Variants in BRINP1 observed in about 807,000 individuals in gnomAD.
BRINP1 encodes BMP/retinoic acid-inducible neural-specific protein 1.
BRINP1 carries 17 observed loss-of-function variants against 72.9 expected under a neutral mutation model. That is an observed-to-expected ratio of 0.23 (90% CI 0.16 to 0.35). BRINP1 has a LOEUF of 0.35. Among genes scored for constraint, BRINP1 ranks in the 10% least tolerant of loss-of-function variants. The pLI, the probability that BRINP1 is intolerant of heterozygous loss-of-function variation, is 1.00. For missense variants in BRINP1, 850 were observed against 1,001.6 expected, an observed-to-expected ratio of 0.85 and a Z score of 2.04; for synonymous variants, 418 against 378.5, an observed-to-expected ratio of 1.10 and a Z score of -1.21.
rs1205799002 is a variant in BRINP1, at chr9:119,167,998, G to C, written c.1372C>G (p.Arg458Gly). 4 of 1,614,158 alleles carry C rather than the reference G, an allele frequency of 2.5e-6. No homozygotes were observed. The highest frequency in any genetic ancestry group is 1.7e-5 in the Admixed American group (1 of 60,028). Reference protein sequence around the residue: ...GSCNKGYKLYRGRCEPQNVDS... With the variant: ...GSCNKGYKLYGGRCEPQNVDS... ...ACGTTCTGTGGTTCACAGCGGCCTC[G>C]ATACAGCTTGTAGCCCTTGTTGCAG... The change falls in exon 8 of 8, where the codon CGA (arginine) becomes GGA (glycine). Residue 458 changes from arginine (R) to glycine (G), a missense_variant. Arg to Gly is a moderately radical substitution (Grantham distance 125). Transcript: ENST00000265922. The surrounding 1 kb of genome is among the most constrained non-coding windows in gnomAD (Gnocchi z 4.3).
At chr9:119,351,761 G>A (rs892926431) in intron 1 of BRINP1, among the ~76,000 whole-genome samples, 1 of 152,138 alleles carries the variant, frequency 6.6e-6, no homozygotes, top group Admixed American at 6.6e-5. Context: ...AATGAGCAAA[G>A]TCATTATTCC....
chr9:119,242,932 G>C (rs546126904), intron 3 of BRINP1, among the ~76,000 whole-genome samples: 12 of 151,712 alleles, frequency 7.9e-5, no homozygotes, highest in Non-Finnish European at 1.3e-4. Context: ...CCAGGGAGCT[G>C]CCTCTATTCT....
chr9:119,332,131 A>G (rs1248968567), intron 1 of BRINP1, among the ~76,000 whole-genome samples: 2 of 152,112 alleles, frequency 1.3e-5, no homozygotes, highest in Non-Finnish European at 2.9e-5. Flanking sequence ...TCTGATTTCT[A>G]AGGGCCCAAC....
Position 119,248,940 on chromosome 9 carries a change from C to T in BRINP1, c.409+20G>A. 1 of 1,603,508 alleles carries T rather than the reference C, an allele frequency of 6.2e-7. No individual in the cohort carries two copies. The highest frequency in any genetic ancestry group is 1.3e-5 in the African/African-American group (1 of 74,930). On this transcript the variant is annotated intron_variant, in intron 3 of 7. Coordinates refer to ENST00000265922, the MANE Select transcript of BRINP1 (RefSeq NM_014618.3). The stretch of plus-strand genomic sequence containing the variant: ...ACCCAAAGTCATGAGAAGGCTCTGG[C>T]CCAGTGGCTGCTGACCTACCTCCCA...
chr9:119,320,593 T>G lies in BRINP1; in HGVS notation c.-50-7188A>C, dbSNP rs924957559. ...CTGAGAGTGGAGGTGCTGCTTTCTA[T>G]GCGAGGGTGCTCAGGAAAAGCATCT... On this transcript the variant is annotated intron_variant, in intron 1 of 7. Coordinates refer to ENST00000265922, the MANE Select transcript of BRINP1 (RefSeq NM_014618.3). Among the ~76,000 whole-genome samples the G allele has an allele frequency of 2.6e-5, 4 of 152,206 alleles. 1 individual carries two copies. In the South Asian group the frequency reaches 8.3e-4, roughly 32 times the overall value.
intron 2 of BRINP1, among the ~76,000 whole-genome samples, chr9:119,296,779 T>C (rs1830884083): frequency 6.6e-6 from 1 of 152,194 alleles, no homozygotes; most frequent in African/African-American, 2.4e-5. Context: ...AAATACTGCA[T>C]GATTTCACTT....
At chr9:119,261,159 C>T (rs1044073566) in intron 2 of BRINP1, among the ~76,000 whole-genome samples, 2 of 152,150 alleles carry the variant, frequency 1.3e-5, no homozygotes, top group African/African-American at 2.4e-5. Context: ...GCAGAGTTTG[C>T]ATAACTGATT....
intron 1 of BRINP1, among the ~76,000 whole-genome samples, chr9:119,331,779 G>A (rs768463659): frequency 1.3e-5 from 2 of 152,172 alleles, no homozygotes; most frequent in Non-Finnish European, 2.9e-5. Flanking sequence ...CACTATCTGA[G>A]GTTTCACGAA....
intron 7 of BRINP1, among the ~76,000 whole-genome samples, chr9:119,196,028 A>AACTT (rs769066808): frequency 2.6e-5 from 4 of 152,192 alleles, no homozygotes; most frequent in Non-Finnish European, 5.9e-5. Context: ...ACATTTTCTA[A>AACTT]ACTTATTCAA....
intron 7 of BRINP1, among the ~76,000 whole-genome samples, chr9:119,175,880 G>A (rs1436735127): frequency 6.6e-6 from 1 of 152,094 alleles, no homozygotes; most frequent in Non-Finnish European, 1.5e-5. Flanking sequence ...TCTCGCTTGA[G>A]CCTCACAGCA....
intron 2 of BRINP1, among the ~76,000 whole-genome samples, chr9:119,302,302 T>C (rs1830946360): frequency 2.6e-5 from 4 of 152,164 alleles, no homozygotes; most frequent in Admixed American, 2.6e-4. Context: ...ATGAGGATGA[T>C]TTTATCTAAC....
intron 5 of BRINP1, among the ~76,000 whole-genome samples, chr9:119,238,128 C>A (rs1464296113): frequency 6.6e-6 from 1 of 152,124 alleles, no homozygotes; most frequent in Non-Finnish European, 1.5e-5. Context: ...TTCACTTAGT[C>A]TTCACATGTG....
rs932378900 is a variant in BRINP1, at chr9:119,322,082, T to C, written c.-50-8677A>G. On this transcript the variant is annotated intron_variant, in intron 1 of 7. Transcript: ENST00000265922. ...ATTAACAATAAATACACCGGAAATA[T>C]ACATTTCCATGTTCAAGGGCCACAT... Among the ~76,000 whole-genome samples the C allele has an allele frequency of 3.9e-5, 6 of 152,190 alleles. No homozygotes were observed. In the East Asian group the frequency reaches 9.6e-4, roughly 24 times the overall value.
intron 5 of BRINP1, among the ~76,000 whole-genome samples, chr9:119,224,900 C>A (rs147321243): frequency 2.6e-5 from 4 of 151,984 alleles, no homozygotes; most frequent in Non-Finnish European, 4.4e-5. Flanking sequence ...TGGAAATGCA[C>A]TGTATGTATA....
intron 1 of BRINP1, among the ~76,000 whole-genome samples, chr9:119,325,785 C>T (rs1831233761): frequency 1.3e-5 from 2 of 152,180 alleles, no homozygotes; most frequent in African/African-American, 4.8e-5. Context: ...ATTGTTTTAC[C>T]CCTTAGTCTT....
intron 2 of BRINP1, among the ~76,000 whole-genome samples, chr9:119,268,289 T>TAGATAGACAGACAGACAGAC (rs1554752352): frequency 2.0e-5 from 3 of 148,708 alleles, no homozygotes; most frequent in African/African-American, 2.4e-5. Context: ...GATAGATAGA[T>TAGATAGACAGACAGACAGAC]AGATAGATAG....
intron 2 of BRINP1, among the ~76,000 whole-genome samples, chr9:119,272,160 C>T (rs1187904159): frequency 4.0e-5 from 6 of 150,936 alleles, no homozygotes; most frequent in Non-Finnish European, 8.8e-5. Flanking sequence ...CTCAATGCAA[C>T]CTCCGCCTCC....
intron 2 of BRINP1, among the ~76,000 whole-genome samples, chr9:119,281,325 G>C (rs1025218147): frequency 4.0e-5 from 6 of 151,348 alleles, no homozygotes. Flanking sequence ...CAATCAGCCT[G>C]CTTTTGCGGA....
chr9:119,321,230 C>A (rs986326638), intron 1 of BRINP1, among the ~76,000 whole-genome samples: 3 of 152,158 alleles, frequency 2.0e-5, no homozygotes. Flanking sequence ...CGCACCCGGC[C>A]ATTGGTCCCC....
Sources: allele counts gnomAD v4.1 joint callset (sites outside exome capture counted in the v4.1 genomes callset), GRCh38; gene constraint gnomAD v4.1.1; non-coding constraint Gnocchi (gnomAD v3.1); transcripts MANE v1.5; gene names NCBI Gene and HGNC (gene_info 2026-07-23, HGNC 2026-07-21).